Variants in MCPH1 observed in about 807,000 individuals in gnomAD.
MCPH1 encodes the protein microcephalin.
Under a neutral mutation model 84.5 loss-of-function variants are expected in MCPH1, and 104 were observed. The observed-to-expected ratio is 1.23, with a 90% CI of 1.05 to 1.45. The LOEUF is 1.45. Among genes scored for constraint, MCPH1 ranks in the 40% most tolerant of loss-of-function variants. MCPH1 has a pLI of 0.00. For synonymous variants in MCPH1, 514 were observed against 366.8 expected, an observed-to-expected ratio of 1.40 and a Z score of -4.58; for missense variants, 1,498 against 1,005.7, an observed-to-expected ratio of 1.49 and a Z score of -6.62.
chr8:6,513,925 C>T, intron 12 of MCPH1: 1 of 1,279,248 alleles, frequency 7.8e-7, no homozygotes. Context: ...GTCAACTTAA[C>T]ATAGAATAAC....
chr8:6,446,672 T>A (rs1804425500), intron 8 of MCPH1: 1 of 984,518 alleles, frequency 1.0e-6, no homozygotes, highest in Admixed American at 6.1e-5. Flanking sequence ...CTTTGGTAGT[T>A]AAGAATATCC....
chr8:6,473,758 A>G (rs186435127), intron 9 of MCPH1: 10 of 703,376 alleles, frequency 1.4e-5, no homozygotes, highest in East Asian at 5.6e-5. Flanking sequence ...AGTTTAATAA[A>G]GCGTTCCTGA....
intron 12 of MCPH1, among the ~76,000 whole-genome samples, chr8:6,512,248 C>A (rs1057189547): frequency 6.6e-6 from 1 of 152,168 alleles, no homozygotes; most frequent in Non-Finnish European, 1.5e-5. Flanking sequence ...GTAGAGTTTT[C>A]AGTTGGTTGT....
chr8:6,586,591 TG>T (rs1443077820), intron 12 of MCPH1, among the ~76,000 whole-genome samples: 1 of 152,116 alleles, frequency 6.6e-6, no homozygotes, highest in South Asian at 2.1e-4. Flanking sequence ...ACTGCATGTC[TG>T]GGGGGAATTC....
intron 3 of MCPH1, among the ~76,000 whole-genome samples, chr8:6,416,823 A>C (rs559368363): frequency 6.6e-6 from 1 of 151,738 alleles, no homozygotes; most frequent in African/African-American, 2.4e-5. Context: ...GTAAAACCCT[A>C]TCTCTATTAA....
intron 12 of MCPH1, chr8:6,521,116 T>G: frequency 7.2e-7 from 1 of 1,386,368 alleles, no homozygotes; most frequent in Non-Finnish European, 1.0e-6. Flanking sequence ...TTTTTTAGTC[T>G]TTTGAGTGTT....
intron 12 of MCPH1, among the ~76,000 whole-genome samples, chr8:6,541,916 G>C (rs922299528): frequency 1.3e-5 from 2 of 151,752 alleles, no homozygotes; most frequent in Non-Finnish European, 2.9e-5. Flanking sequence ...GCTAAGGTGG[G>C]AGGATTGCTT....
intron 12 of MCPH1, among the ~76,000 whole-genome samples, chr8:6,599,860 T>C (rs1222451575): frequency 1.3e-5 from 2 of 152,252 alleles, no homozygotes. Flanking sequence ...TACCAATTTT[T>C]GTAATTATGT....
At chr8:6,518,814 G>A (rs1273168796) in intron 12 of MCPH1, among the ~76,000 whole-genome samples, 1 of 152,110 alleles carries the variant, frequency 6.6e-6, no homozygotes, top group Non-Finnish European at 1.5e-5. Context: ...CAGTTATCCA[G>A]TAGTTACATA....
At chr8:6,607,603 C>T (rs897183798) in intron 12 of MCPH1, among the ~76,000 whole-genome samples, 5 of 152,182 alleles carry the variant, frequency 3.3e-5, no homozygotes, top group African/African-American at 1.2e-4. Context: ...CCCTCAATTC[C>T]CATGTGTTAT....
chr8:6,462,047 T>C (rs1806352301), intron 9 of MCPH1, among the ~76,000 whole-genome samples: 1 of 152,230 alleles, frequency 6.6e-6, no homozygotes, highest in Admixed American at 6.5e-5. Context: ...ATCCAGCTTG[T>C]TGCATGTGAA....
At chr8:6,451,887 C>T (rs563073891) in intron 8 of MCPH1, among the ~76,000 whole-genome samples, 17 of 152,212 alleles carry the variant, frequency 1.1e-4, no homozygotes, top group South Asian at 8.3e-4. Flanking sequence ...CAACCCTTGA[C>T]TCTTGCATAG....
chr8:6,453,239 A>C (rs951387238), intron 8 of MCPH1, among the ~76,000 whole-genome samples: 1 of 152,188 alleles, frequency 6.6e-6, no homozygotes, highest in Admixed American at 6.5e-5. Flanking sequence ...AGTACTTTGC[A>C]CTCTCAACTG....
chr8:6,574,987 A>G (rs1826951928), intron 12 of MCPH1, among the ~76,000 whole-genome samples: 2 of 152,248 alleles, frequency 1.3e-5, no homozygotes, highest in Admixed American at 6.5e-5. Flanking sequence ...AGGGAAGTCA[A>G]GAATTACTGG....
chr8:6,481,552 T>G (rs2440391), intron 11 of MCPH1, among the ~76,000 whole-genome samples: 146,549 of 152,264 alleles, frequency 0.96, 70,758 homozygotes, highest in East Asian at 1. Context: ...GCATCTGTGG[T>G]ATCCGTCTTC....
chr8:6,411,318 T>C (rs1798505606), intron 2 of MCPH1, among the ~76,000 whole-genome samples: 7 of 152,144 alleles, frequency 4.6e-5, no homozygotes. Context: ...CCAGTGAAGG[T>C]TATAGCATTT....
rs116749087 is a variant in MCPH1, at chr8:6,603,920, C to T, written c.2215-17534C>T. 7.2e-3 allele frequency among the ~76,000 whole-genome samples: 1,097 copies of T among 151,844 alleles called. 18 individuals carry two copies. The highest frequency in any genetic ancestry group is 0.025 in the African/African-American group (1,046 of 41,420). ...CAATGCTTGATTTGCAAGTCAGTTT[C>T]AAAAATAATTTGGTGAAGATATCAG... On this transcript the variant is annotated intron_variant, in intron 12 of 13. Transcript: ENST00000344683.
chr8:6,638,107 G>A (rs1014870169), intron 13 of MCPH1, among the ~76,000 whole-genome samples: 3 of 151,944 alleles, frequency 2.0e-5, no homozygotes, highest in Admixed American at 1.3e-4. Context: ...TGTGATATGA[G>A]CAGATGAAAA....
Position 6,480,793 on chromosome 8 carries a change from C to G in MCPH1, c.2053C>G (p.His685Asp). Residue 685 changes from histidine to aspartate, a missense_variant, in exon 11 of 14, where the codon CAC becomes GAC. Transcript: ENST00000344683. ...IAPDVCETTT[H>D]VLSGKPLRTL... ...ACCAGACGTCTGTGAGACCACGACT[C>G]ACGTGCTTTCCGGGAAGCCACTTCG... 6.2e-7 allele frequency: 1 copy of G among 1,614,188 alleles called. No individual in the cohort carries two copies. The highest frequency in any genetic ancestry group is 8.5e-7 in the Non-Finnish European group (1 of 1,180,032).
Sources: allele counts gnomAD v4.1 joint callset (sites outside exome capture counted in the v4.1 genomes callset), GRCh38; gene constraint gnomAD v4.1.1; transcripts MANE v1.5; gene names NCBI Gene and HGNC (gene_info 2026-07-23, HGNC 2026-07-21).